The following RAB7A variants were observed in gnomAD, a reference collection of about 807,000 sequenced individuals.
The protein encoded by RAB7A is ras-related protein Rab-7a.
RAB7A carries 2 observed loss-of-function variants against 24.5 expected under a neutral mutation model. The observed-to-expected ratio is 0.08, with a 90% CI of 0.03 to 0.26. RAB7A has a LOEUF of 0.26. Ranked by LOEUF, RAB7A falls within the 10% of genes least tolerant of loss-of-function variation. The pLI is 1.00. For missense variants in RAB7A, 118 were observed against 255.7 expected (o/e 0.46, Z 3.67); for synonymous variants, 100 against 95.9 (o/e 1.04, Z -0.25).
intron 1 of RAB7A, among the ~76,000 whole-genome samples, chr3:128,776,719 A>G (rs139577200): frequency 3.5e-4 from 54 of 152,296 alleles, no homozygotes; most frequent in African/African-American, 1.2e-3. Context: ...TCCTTTGGCT[A>G]TATCATTGGA....
At chr3:128,786,755 G>GAAAT (rs1933350820) in intron 1 of RAB7A, among the ~76,000 whole-genome samples, 3 of 152,306 alleles carry the variant, frequency 2.0e-5, no homozygotes, top group South Asian at 2.1e-4. Flanking sequence ...ACACATGGAT[G>GAAAT]AAATGTATTC....
intron 1 of RAB7A, among the ~76,000 whole-genome samples, chr3:128,751,620 A>G (rs995143473): frequency 6.6e-6 from 1 of 152,218 alleles, no homozygotes; most frequent in African/African-American, 2.4e-5. Context: ...GCTTATAAGC[A>G]GAAGGGACTT....
chr3:128,807,764 AC>A, intron 5 of RAB7A, 93 bp downstream of exon 5: 2 of 1,560,888 alleles, frequency 1.3e-6, no homozygotes, highest in Non-Finnish European at 8.8e-7. Context: ...TTCTTCCCTA[AC>A]CCACTCTTTT....
intron 4 of RAB7A, among the ~76,000 whole-genome samples, chr3:128,806,889 C>T (rs1933815127): frequency 6.6e-6 from 1 of 152,254 alleles, no homozygotes; most frequent in Non-Finnish European, 1.5e-5. Flanking sequence ...CTCAGTAGTG[C>T]CCTCCCAGTA....
At chr3:128,774,671 C>T (rs1183076198) in intron 1 of RAB7A, among the ~76,000 whole-genome samples, 2 of 152,242 alleles carry the variant, frequency 1.3e-5, no homozygotes, top group Non-Finnish European at 2.9e-5. Context: ...CTCCCGGGTT[C>T]ACGCCATTCT....
At chr3:128,802,753 C>T (rs1047536452) in intron 3 of RAB7A, among the ~76,000 whole-genome samples, 18 of 151,360 alleles carry the variant, frequency 1.2e-4, no homozygotes, top group South Asian at 6.2e-4. Context: ...ATGATCTGGC[C>T]GCCTCAGCCT....
At chr3:128,791,507 C>G (rs911434466) in intron 1 of RAB7A, among the ~76,000 whole-genome samples, 2 of 152,184 alleles carry the variant, frequency 1.3e-5, no homozygotes, top group African/African-American at 4.8e-5. Flanking sequence ...TTGACAAAAT[C>G]CTTTCCTTGC....
intron 1 of RAB7A, among the ~76,000 whole-genome samples, chr3:128,739,800 T>G (rs1327320840): frequency 1.3e-5 from 2 of 152,226 alleles, no homozygotes; most frequent in African/African-American, 4.8e-5. Context: ...CCGGGCGCAG[T>G]GGTTCACGCC....
At chr3:128,726,884 A>T (rs527889844) in intron 1 of RAB7A, among the ~76,000 whole-genome samples, 23 of 152,242 alleles carry the variant, frequency 1.5e-4, no homozygotes, top group Non-Finnish European at 3.1e-4. Flanking sequence ...GAGTCAGGTC[A>T]CGTGCGCTGG....
intron 1 of RAB7A, among the ~76,000 whole-genome samples, chr3:128,741,446 T>C (rs1294896523): frequency 6.6e-6 from 1 of 152,210 alleles, no homozygotes; most frequent in Non-Finnish European, 1.5e-5. Flanking sequence ...AATGTATAGT[T>C]TTCCCAGTAT....
chr3:128,743,515 T>G (rs1470637397), intron 1 of RAB7A, among the ~76,000 whole-genome samples: 3 of 152,114 alleles, frequency 2.0e-5, no homozygotes, highest in African/African-American at 7.2e-5. Context: ...GCCTGACTAA[T>G]TTTTTTTGTA....
At chr3:128,808,574 A>G (rs145707574) in intron 5 of RAB7A, among the ~76,000 whole-genome samples, 255 of 152,354 alleles carry the variant, frequency 1.7e-3, no homozygotes, top group Admixed American at 2.5e-3. Context: ...TTCAAGGAAT[A>G]TAATACCTAG....
At chr3:128,761,720 A>G (rs774813905) in intron 1 of RAB7A, among the ~76,000 whole-genome samples, 1 of 152,250 alleles carries the variant, frequency 6.6e-6, no homozygotes, top group Non-Finnish European at 1.5e-5. Flanking sequence ...CTGTCAACCT[A>G]TAAATCCTGT....
rs946727586 is a variant in RAB7A, at chr3:128,764,436, C to G, written c.-8-30924C>G. ...CTGCCTTAGTGACCAGGGAATTCGC[C>G]CCATGGCTATGGGGAAATTAGCCTG... On this transcript the variant is annotated intron_variant, in intron 1 of 5. Transcript: ENST00000265062. 2.8e-5 allele frequency: 21 copies of G among 749,272 alleles called. No individual in the cohort carries two copies. In the Admixed American group the frequency reaches 3.5e-4, roughly 13 times the overall value. The allele number at this position is 749,272 out of a possible 1,614,324, so 46.4% of individuals were successfully genotyped here.
chr3:128,793,992 TTACTTTC>T (rs1415233553), intron 1 of RAB7A, among the ~76,000 whole-genome samples: 1 of 152,234 alleles, frequency 6.6e-6, no homozygotes, highest in African/African-American at 2.4e-5. Context: ...TCGAGGATGG[TTACTTTC>T]AAGAGCGTAG....
At chr3:128,782,992 G>A (rs1178286121) in intron 1 of RAB7A, among the ~76,000 whole-genome samples, 1 of 152,082 alleles carries the variant, frequency 6.6e-6, no homozygotes, top group African/African-American at 2.4e-5. Flanking sequence ...AGCCCTCAGG[G>A]GAACCTAAAA....
chr3:128,768,447 C>T (rs1003769664), intron 1 of RAB7A, among the ~76,000 whole-genome samples: 2 of 152,066 alleles, frequency 1.3e-5, no homozygotes, highest in African/African-American at 2.4e-5. Flanking sequence ...GTAGCTGTTT[C>T]GGAGGGGAAT....
intron 1 of RAB7A, among the ~76,000 whole-genome samples, chr3:128,728,957 T>G (rs1165567940): frequency 6.6e-6 from 1 of 152,238 alleles, no homozygotes; most frequent in Non-Finnish European, 1.5e-5. Context: ...AAAAGCTGTG[T>G]TACCCTATCT....
chr3:128,727,192 T>C (rs1307075890), intron 1 of RAB7A, among the ~76,000 whole-genome samples: 1 of 152,254 alleles, frequency 6.6e-6, no homozygotes, highest in East Asian at 1.9e-4. Flanking sequence ...CAGATCATTA[T>C]GTTTAGTTCT....
Sources: gnomAD v4.1 joint callset for allele counts (sites outside exome capture counted in the v4.1 genomes callset) on GRCh38, gnomAD v4.1.1 for gene constraint, MANE v1.5 for transcripts, NCBI Gene and HGNC (gene_info 2026-07-23, HGNC 2026-07-21) for gene names.